The following DENND1C variants were observed in gnomAD, a reference collection of about 807,000 sequenced individuals.
The protein encoded by DENND1C is DENN domain-containing protein 1C.
A neutral mutation model predicts 87.9 loss-of-function variants in DENND1C; 64 were observed. The observed-to-expected ratio is 0.73, with a 90% CI of 0.60 to 0.90. The LOEUF (loss-of-function observed/expected upper bound fraction) is 0.90, where lower values mean the gene tolerates loss of function less well. DENND1C is among the 40% of genes least tolerant of loss of function. DENND1C has a pLI of 0.00. For synonymous variants in DENND1C, 384 were observed against 424.4 expected (o/e 0.90, Z 1.17); for missense variants, 980 against 1,037.0 (o/e 0.95, Z 0.76).
In DENND1C at chr19:6,470,450, C is replaced by G. The variant is rs2092821386; in HGVS notation, c.1291-84G>C. On this transcript the variant is annotated intron_variant, in intron 17 of 22. Coordinates refer to ENST00000381480, the MANE Select transcript of DENND1C (RefSeq NM_024898.4). ...CAGGTTGTGTGATGCCAATCAAGCC[C>G]CTTTCCCTCTCTGAGTCTCCATTTT... 6.6e-6 allele frequency: 9 copies of G among 1,372,812 alleles called. No homozygotes were observed. In the East Asian group the frequency reaches 2.2e-4, roughly 34 times the overall value. The allele number at this position is 1,372,812 out of a possible 1,614,324, so 85.0% of individuals were successfully genotyped here.
intron 10 of DENND1C, chr19:6,476,532 T>A (rs2092861595): frequency 7.9e-6 from 2 of 254,348 alleles, no homozygotes; most frequent in Admixed American, 5.0e-5. Context: ...AGTCCCTGGG[T>A]CCCTGGGTCC....
intron 1 of DENND1C, among the ~76,000 whole-genome samples, chr19:6,481,375 C>T (rs1182351332): frequency 6.6e-6 from 1 of 151,928 alleles, no homozygotes; most frequent in East Asian, 1.9e-4. Flanking sequence ...CTGTGGACCC[C>T]CTGAAGCCAT....
In DENND1C at chr19:6,467,262, G is replaced by C; in HGVS notation, c.*242C>G. 2 of 536,482 alleles carry C rather than the reference G, an allele frequency of 3.7e-6. No individual in the cohort carries two copies. Among genetic ancestry groups the C allele is most frequent in the Admixed American group, 7.4e-5 (2 of 26,880 alleles). 33.2% of individuals were successfully genotyped at this position (536,482 alleles called of 1,614,324 possible). On this transcript the variant is annotated 3_prime_UTR_variant, in exon 23 of 23. Transcript: ENST00000381480. ...TTGAGCTGGTGGGTGCATTAGCTGA[G>C]ATGGAAGTGACAAATGCCGAGAGGA...
At chr19:6,468,669 A>T in intron 20 of DENND1C, 24 bp from the exon 21 acceptor site, 3 of 1,458,022 alleles carry the variant, frequency 2.1e-6, no homozygotes, top group Non-Finnish European at 2.7e-6. Flanking sequence ...GGGCGATAGG[A>T]CCTCAGGAGA....
rs2092812798 is a variant in DENND1C at position 6,468,938 on chromosome 19, G to C, written c.1423C>G (p.Leu475Val). 1 of 1,448,140 alleles carries C rather than the reference G, an allele frequency of 6.9e-7. No individual in the cohort carries two copies. Among genetic ancestry groups the C allele is most frequent in the Admixed American group, 2.7e-5 (1 of 37,406 alleles). The allele number at this position is 1,448,140 out of a possible 1,614,324, so 89.7% of individuals were successfully genotyped here. The change falls in exon 20 of 23, where the codon CTG (leucine) becomes GTG (valine). Residue 475 changes from leucine to valine, a missense_variant. Coordinates refer to ENST00000381480, the MANE Select transcript of DENND1C (RefSeq NM_024898.4). ...LLMYKDGDSV[L>V]QRGGSLRAPA... ...GCCCTCAGAGAGCCCCCCCTCTGCA[G>C]GACAGAGTCCCCATCCTAGGAAGAG...
rs2092818635 is a variant in DENND1C, at chr19:6,470,017, A to G, written c.1362+278T>C. The G allele has an allele frequency of 1.4e-5, 6 of 439,656 alleles. No individual in the cohort carries two copies. The East Asian group carries it at 2.2e-4, about 16-fold the overall frequency. The allele number at this position is 439,656 out of a possible 1,614,324, so 27.2% of individuals were successfully genotyped here. A position where few individuals can be genotyped will look rare whatever the true frequency, so the allele number is the denominator to read the frequency against. On this transcript the variant is annotated intron_variant, in intron 18 of 22. Transcript: ENST00000381480. ...GGAATTGTAGCATCCAAGGACAAAAAGAATGTTTGCCAGCAAATCTTGGCT... is the reference window on the plus strand; with the variant it reads ...GGAATTGTAGCATCCAAGGACAAAAGGAATGTTTGCCAGCAAATCTTGGCT...
In DENND1C at chr19:6,467,978, G is replaced by A; in HGVS notation, c.1932C>T (p.Pro644=). The A allele has an allele frequency of 6.2e-7, 1 of 1,613,924 alleles. No homozygotes were observed. Among genetic ancestry groups the A allele is most frequent in the Non-Finnish European group, 8.5e-7 (1 of 1,179,874 alleles). Residue 644 remains proline (P), a synonymous_variant, in exon 23 of 23, where the codon CCC becomes CCT. Coordinates refer to ENST00000381480, the MANE Select transcript of DENND1C (RefSeq NM_024898.4). ...ACGTGACTTCTTGGTCGGACTCTGAGGGTATCAGCTGGGACCTGGAGTCCT... is the reference window on the plus strand; with the variant it reads ...ACGTGACTTCTTGGTCGGACTCTGAAGGTATCAGCTGGGACCTGGAGTCCT... ...SSKDSRSQLI[P]SESDQEVTSP...
At position 6,468,847 on chromosome 19, in the gene DENND1C, T is replaced by G. The variant is rs931972381; in HGVS notation, c.1514A>C (p.Lys505Thr). 2 of 1,513,606 alleles carry G rather than the reference T, an allele frequency of 1.3e-6. No individual in the cohort carries two copies. The highest frequency in any genetic ancestry group is 1.8e-6 in the Non-Finnish European group (2 of 1,137,144). The allele number at this position is 1,513,606 out of a possible 1,614,324, so 93.8% of individuals were successfully genotyped here. A position where few individuals can be genotyped will look rare whatever the true frequency, so the allele number is the denominator to read the frequency against. ...QRLPITQHFG[K>T]NRPLRPSRRR... ...GCATGGGGGGAGGGGCGCTCTCACC[T>G]TTCCAAAGTGCTGAGTGATTGGGAG... The change falls in exon 20 of 23, where the codon AAG becomes ACG. Residue 505 changes from lysine (K) to threonine (T), a missense_variant and splice_region_variant. Transcript: ENST00000381480.
chr19:6,473,040 C>T, intron 14 of DENND1C, 47 bp from the exon 15 acceptor site: 1 of 1,345,464 alleles, frequency 7.4e-7, no homozygotes, highest in Non-Finnish European at 9.9e-7. Flanking sequence ...GCTCCTGGCC[C>T]TCCCTCATTC....
chr19:6,480,395 C>A, intron 1 of DENND1C: 1 of 1,206,014 alleles, frequency 8.3e-7, no homozygotes, highest in East Asian at 4.7e-5. Flanking sequence ...ATATCTGTGG[C>A]ATGAGACTGC....
chr19:6,477,170 G>A (rs1246043174), intron 8 of DENND1C, 43 bp from the exon 9 acceptor site: 6 of 1,595,180 alleles, frequency 3.8e-6, no homozygotes, highest in Middle Eastern at 1.7e-4. Flanking sequence ...TCAGGAGGCT[G>A]GCCTCACCTG....
intron 1 of DENND1C, chr19:6,480,603 T>TATCG (rs1164607513): frequency 1.2e-5 from 5 of 416,798 alleles, no homozygotes; most frequent in Non-Finnish European, 1.6e-5. Context: ...TCTATCTATC[T>TATCG]ATCTATCTAT....
intron 15 of DENND1C, among the ~76,000 whole-genome samples, chr19:6,472,654 G>T (rs1248789366): frequency 1.3e-5 from 2 of 152,148 alleles, no homozygotes; most frequent in African/African-American, 4.8e-5. Context: ...CTCCCAAAGT[G>T]CTGGGATTAC....
chr19:6,469,635 C>A lies in DENND1C; in HGVS notation c.1368G>T (p.Lys456Asn). ...PAVKNMYRSA[K>N]SGLKGVQSLL... ...GGCTCTGCACCCCCTTCAAGCCACTCTTGGCCTATAAAGGAGTGGACAGAG... is the reference window on the plus strand; with the variant it reads ...GGCTCTGCACCCCCTTCAAGCCACTATTGGCCTATAAAGGAGTGGACAGAG... Residue 456 changes from lysine to asparagine, a missense_variant, in exon 19 of 23, where the codon AAG becomes AAT. Coordinates refer to ENST00000381480, the MANE Select transcript of DENND1C (RefSeq NM_024898.4). 6.2e-7 allele frequency: 1 copy of A among 1,606,600 alleles called. No individual in the cohort carries two copies.
Position 6,478,944 on chromosome 19 carries a change from T to C in DENND1C, c.289A>G (p.Ile97Val), listed in dbSNP as rs1318342417. ...AACCCCCATATCCCGCACCTGAGGA[T>C]GCAGAGACAGCTCTGGGTACCCGCC... ...LRAGTQSCLC[I>V]LSHLPWFEVF... The change falls in exon 5 of 23, where the codon ATC (isoleucine) becomes GTC (valine). Residue 97 changes from isoleucine (I) to valine (V), a missense_variant. Transcript: ENST00000381480. The C allele has an allele frequency of 6.2e-7, 1 of 1,613,908 alleles. No individual in the cohort carries two copies. Among genetic ancestry groups the C allele is most frequent in the Non-Finnish European group, 8.5e-7 (1 of 1,179,836 alleles).
In DENND1C at chr19:6,468,071, C is replaced by A. The variant is rs770244356; in HGVS notation, c.1839G>T (p.Pro613=). The A allele has an allele frequency of 6.2e-7, 1 of 1,613,676 alleles. No individual in the cohort carries two copies. Among genetic ancestry groups the A allele is most frequent in the South Asian group, 1.1e-5 (1 of 91,048 alleles). ...WQPDDKKLPE[P]EPQPLSLPSL... ...ATGGCAGGGAAAGGGGCTGGGGCTCCGGCTCTGGTAGTTTCTTATCGTCTG... is the reference window on the plus strand; with the variant it reads ...ATGGCAGGGAAAGGGGCTGGGGCTCAGGCTCTGGTAGTTTCTTATCGTCTG... Residue 613 remains proline, a synonymous_variant, in exon 23 of 23, where the codon CCG becomes CCT. Coordinates refer to ENST00000381480, the MANE Select transcript of DENND1C (RefSeq NM_024898.4).
At chr19:6,473,937 G>A (rs971252762) in intron 14 of DENND1C, among the ~76,000 whole-genome samples, 7 of 152,084 alleles carry the variant, frequency 4.6e-5, no homozygotes, top group Admixed American at 6.6e-5. Context: ...GATCACACCT[G>A]TAATTTCAGC....
chr19:6,480,357 T>C, intron 1 of DENND1C: 2 of 1,313,486 alleles, frequency 1.5e-6, no homozygotes, highest in East Asian at 3.3e-5. Flanking sequence ...CTGTCTGCTG[T>C]CTGCCTGAAA....
In DENND1C at chr19:6,471,486, G is replaced by A; in HGVS notation, c.1169C>T (p.Ala390Val). 1 of 1,563,360 alleles carries A rather than the reference G, an allele frequency of 6.4e-7. No homozygotes were observed. The highest frequency in any genetic ancestry group is 8.7e-7 in the Non-Finnish European group (1 of 1,153,514). ...HLQLFKQFIE[A>V]RLEKLNKGEG... The stretch of plus-strand genomic sequence containing the variant: ...CCCCTTGTTGAGCTTCTCCAGCCGG[G>A]CTTCGATGAACTGGGGTGGGGGACA... Residue 390 changes from alanine (A) to valine (V), a missense_variant, in exon 16 of 23, where the codon GCC becomes GTC. Coordinates refer to ENST00000381480, the MANE Select transcript of DENND1C (RefSeq NM_024898.4).
Sources: gnomAD v4.1 joint callset for allele counts (sites outside exome capture counted in the v4.1 genomes callset) on GRCh38, gnomAD v4.1.1 for gene constraint, MANE v1.5 for transcripts, NCBI Gene and HGNC (gene_info 2026-07-23, HGNC 2026-07-21) for gene names.